HS6ST3: variants seen among roughly 807,000 people sequenced by gnomAD.
HS6ST3 encodes heparan sulfate 6-O-sulfotransferase 3.
A neutral mutation model predicts 36.7 loss-of-function variants in HS6ST3; 12 were observed. The observed-to-expected ratio is 0.33, with a 90% CI of 0.21 to 0.53. HS6ST3 has a LOEUF of 0.53. HS6ST3 is among the 20% of genes least tolerant of loss of function. The pLI is 0.95. For synonymous variants in HS6ST3, 240 were observed against 257.5 expected (o/e 0.93, Z 0.65); for missense variants, 584 against 640.9 (o/e 0.91, Z 0.96).
intron 1 of HS6ST3, among the ~76,000 whole-genome samples, chr13:96,135,974 C>T (rs954917314): frequency 3.3e-5 from 5 of 152,172 alleles, no homozygotes; most frequent in African/African-American, 4.8e-5. Context: ...TGCATTCCAC[C>T]GGTGGGCTCA....
intron 1 of HS6ST3, among the ~76,000 whole-genome samples, chr13:96,476,472 C>T (rs1418965815): frequency 6.6e-6 from 1 of 152,178 alleles, no homozygotes; most frequent in Non-Finnish European, 1.5e-5. Context: ...AAGAGATTCT[C>T]CTGCCTCAGC....
At chr13:96,242,236 T>G (rs1292036508) in intron 1 of HS6ST3, among the ~76,000 whole-genome samples, 1 of 151,994 alleles carries the variant, frequency 6.6e-6, no homozygotes, top group Non-Finnish European at 1.5e-5. Flanking sequence ...TTTTTTCTTT[T>G]TTTGAGATAA....
At chr13:96,709,793 C>G (rs1233689426) in intron 1 of HS6ST3, among the ~76,000 whole-genome samples, 1 of 152,170 alleles carries the variant, frequency 6.6e-6, no homozygotes, top group Non-Finnish European at 1.5e-5. Context: ...CTGACTACAA[C>G]AATGAACAAT....
At chr13:96,464,726 AG>A (rs1042820468) in intron 1 of HS6ST3, among the ~76,000 whole-genome samples, 6 of 152,170 alleles carry the variant, frequency 3.9e-5, no homozygotes, top group Non-Finnish European at 8.8e-5. Flanking sequence ...ATAAGATGAC[AG>A]GAGTAGAATG....
intron 1 of HS6ST3, among the ~76,000 whole-genome samples, chr13:96,504,853 T>C (rs1333896828): frequency 6.6e-6 from 1 of 152,156 alleles, no homozygotes; most frequent in East Asian, 1.9e-4. Flanking sequence ...AAGTCTTAGG[T>C]AATAGACATA....
chr13:96,148,328 A>G (rs768014432), intron 1 of HS6ST3, among the ~76,000 whole-genome samples: 1 of 152,210 alleles, frequency 6.6e-6, no homozygotes, highest in Non-Finnish European at 1.5e-5. Context: ...TATATATTCA[A>G]TGAGAGATTA....
At chr13:96,270,964 T>TTTC (rs2054716871) in intron 1 of HS6ST3, among the ~76,000 whole-genome samples, 1 of 151,962 alleles carries the variant, frequency 6.6e-6, no homozygotes. Flanking sequence ...TTCCAAGTCT[T>TTTC]TAGGAAGTTT....
intron 1 of HS6ST3, among the ~76,000 whole-genome samples, chr13:96,287,900 T>A (rs1176446500): frequency 6.6e-6 from 1 of 152,180 alleles, no homozygotes. Flanking sequence ...CTCACAGTGA[T>A]CCTGTGGGGA....
At chr13:96,209,610 G>A (rs1369694441) in intron 1 of HS6ST3, among the ~76,000 whole-genome samples, 1 of 152,138 alleles carries the variant, frequency 6.6e-6, no homozygotes, top group Non-Finnish European at 1.5e-5. Flanking sequence ...AGTGTCAGCA[G>A]GACCTTCTAC....
intron 1 of HS6ST3, among the ~76,000 whole-genome samples, chr13:96,458,268 C>G (rs1180378983): frequency 1.3e-5 from 2 of 151,736 alleles, no homozygotes; most frequent in African/African-American, 4.8e-5. Context: ...TTCTGTTTTT[C>G]TGTTTTAAGC....
Position 96,366,338 on chromosome 13 carries a change from T to A in HS6ST3, c.707+274769T>A, listed in dbSNP as rs543063402. The stretch of plus-strand genomic sequence containing the variant: ...TAATGCAAAAATTAGCTGAGCGTGA[T>A]GGCATGCACCCATGCTCCCAGCTAC... On this transcript the variant is annotated intron_variant, in intron 1 of 1. Transcript: ENST00000376705. Among the ~76,000 whole-genome samples the A allele has an allele frequency of 3.3e-5, 5 of 152,160 alleles. No individual in the cohort carries two copies. The South Asian group carries it at 1.0e-3, about 32-fold the overall frequency.
chr13:96,782,522 G>T (rs1335083635), intron 1 of HS6ST3, among the ~76,000 whole-genome samples: 1 of 152,148 alleles, frequency 6.6e-6, no homozygotes, highest in Non-Finnish European at 1.5e-5. Flanking sequence ...GACTAGAAAT[G>T]GACAAGTTGT....
At position 96,186,037 on chromosome 13, in the gene HS6ST3, T is replaced by C. The variant is rs143716125; in HGVS notation, c.707+94468T>C. Among the ~76,000 whole-genome samples, 540 of 152,318 alleles carry C rather than the reference T, an allele frequency of 3.5e-3. 4 individuals are homozygous for C. The highest frequency in any genetic ancestry group is 0.011 in the African/African-American group (473 of 41,562). ...TGTATGTATGTGTGGATATAAACTA[T>C]ATATATGCATGCATATGTATGTAAA... On this transcript the variant is annotated intron_variant, in intron 1 of 1. Coordinates refer to ENST00000376705, the MANE Select transcript of HS6ST3 (RefSeq NM_153456.4).
rs190165320 is a variant in HS6ST3, at chr13:96,352,687, G to T, written c.707+261118G>T. On this transcript the variant is annotated intron_variant, in intron 1 of 1. Transcript: ENST00000376705. ...ATCTTGGAGGCTGCTACCATAGAAG[G>T]TTTAAAAATTGGGAAATCAGTCCCA... Among the ~76,000 whole-genome samples the T allele has an allele frequency of 7.0e-4, 107 of 152,242 alleles. 2 individuals are homozygous for T. The highest frequency in any genetic ancestry group is 2.5e-3 in the African/African-American group (102 of 41,542).
intron 1 of HS6ST3, among the ~76,000 whole-genome samples, chr13:96,824,064 A>G (rs927514685): frequency 2.0e-5 from 3 of 152,248 alleles, no homozygotes; most frequent in African/African-American, 7.2e-5. Context: ...TATCAGATGC[A>G]TATGTGAGGA....
intron 1 of HS6ST3, among the ~76,000 whole-genome samples, chr13:96,101,861 C>G (rs1452994633): frequency 6.6e-6 from 1 of 152,150 alleles, no homozygotes; most frequent in African/African-American, 2.4e-5. Flanking sequence ...CTCTCTTTCT[C>G]TCTCTTGCAC....
At chr13:96,216,798 CA>C (rs2054428274) in intron 1 of HS6ST3, among the ~76,000 whole-genome samples, 1 of 152,160 alleles carries the variant, frequency 6.6e-6, no homozygotes, top group Non-Finnish European at 1.5e-5. Context: ...GATCATCCAC[CA>C]TTTCCTATTT....
intron 1 of HS6ST3, among the ~76,000 whole-genome samples, chr13:96,802,322 A>T (rs1878097322): frequency 1.3e-5 from 2 of 152,198 alleles, no homozygotes; most frequent in Admixed American, 6.5e-5. Flanking sequence ...GAAAACCAAG[A>T]GGGTCTACTC....
At chr13:96,792,939 A>G (rs1877826833) in intron 1 of HS6ST3, among the ~76,000 whole-genome samples, 1 of 152,078 alleles carries the variant, frequency 6.6e-6, no homozygotes, top group Non-Finnish European at 1.5e-5. Context: ...TTCTCTAATC[A>G]GCAACTTTTG....
Sources: gnomAD v4.1 joint callset for allele counts (sites outside exome capture counted in the v4.1 genomes callset) on GRCh38, gnomAD v4.1.1 for gene constraint, MANE v1.5 for transcripts, NCBI Gene and HGNC (gene_info 2026-07-23, HGNC 2026-07-21) for gene names.